DDX3X: variants seen among roughly 807,000 people sequenced by gnomAD.
DDX3X encodes the protein DEAD-box helicase 3 X-linked.
In DDX3X, 4 loss-of-function variants were observed where a neutral mutation model predicts 52.7. The observed-to-expected ratio is 0.08, with a 90% CI of 0.04 to 0.17. DDX3X has a LOEUF of 0.17. DDX3X is among the 10% of genes least tolerant of loss of function. DDX3X has a pLI of 1.00. For synonymous variants in DDX3X, 192 were observed against 178.1 expected (o/e 1.08, Z -0.62); for missense variants, 222 against 548.6 (o/e 0.40, Z 5.95).
chrX:41,341,738 A>C, intron 4 of DDX3X, 122 bp downstream of exon 4: 2 of 680,822 alleles, frequency 2.9e-6, no homozygotes, highest in Non-Finnish European at 2.2e-6. Flanking sequence ...TCTTAGCCGT[A>C]AGAGGCTTTT....
At chrX:41,337,378 T>G in intron 1 of DDX3X, 30 bp from the exon 2 acceptor site, 1 of 1,177,334 alleles carries the variant, frequency 8.5e-7, no homozygotes, top group Non-Finnish European at 1.2e-6. Context: ...TTTGAGCACA[T>G]GGGGTGCTAA....
At chrX:41,340,796 A>G in intron 3 of DDX3X, 1 of 297,033 alleles carries the variant, frequency 3.4e-6, no homozygotes, top group Non-Finnish European at 5.9e-6. Flanking sequence ...TACCACCTCC[A>G]AGAAACATGG....
chrX:41,361,205 C>T (rs1008055609), intron 5 of DDX3X, among the ~76,000 whole-genome samples: 2 of 108,966 alleles, frequency 1.8e-5, no homozygotes, highest in African/African-American at 3.3e-5. Context: ...GTCATCCCAA[C>T]GAAGTGGCTC....
intron 5 of DDX3X, among the ~76,000 whole-genome samples, chrX:41,358,597 G>A (rs1004033483): frequency 9.0e-6 from 1 of 111,130 alleles, no homozygotes; most frequent in African/African-American, 3.3e-5. Context: ...AAATTTCCAT[G>A]TCAATTTTCA....
downstream of DDX3X, among the ~76,000 whole-genome samples, chrX:41,353,439 G>T (rs2063996841): frequency 9.3e-6 from 1 of 107,981 alleles, no homozygotes; most frequent in Non-Finnish European, 1.9e-5. Context: ...CTGCACTCCA[G>T]CCTGGGTGAT....
intron 6 of DDX3X, 136 bp from the exon 7 acceptor site, chrX:41,343,080 T>A: frequency 1.2e-6 from 1 of 837,239 alleles, no homozygotes; most frequent in Non-Finnish European, 1.7e-6. Context: ...TTGGTTTTTC[T>A]CAAAGTATAA....
chrX:41,343,374 A>G (rs1200324098), intron 7 of DDX3X, 23 bp downstream of exon 7: 3 of 1,167,900 alleles, frequency 2.6e-6, no homozygotes, highest in Non-Finnish European at 3.4e-6. Flanking sequence ...CATAAGAGTA[A>G]AACATCATAT....
intron 5 of DDX3X, among the ~76,000 whole-genome samples, chrX:41,361,397 A>G (rs1328421003): frequency 9.1e-6 from 1 of 110,382 alleles, no homozygotes; most frequent in Non-Finnish European, 1.9e-5. Flanking sequence ...CTGTAATCCC[A>G]GCTACTCAGG....
intron 5 of DDX3X, among the ~76,000 whole-genome samples, chrX:41,362,727 G>T (rs751932438): frequency 8.9e-6 from 1 of 112,062 alleles, no homozygotes; most frequent in South Asian, 3.7e-4. Flanking sequence ...CAGGGCTCTG[G>T]GCTAGTCTCT....
At chrX:41,360,881 G>T (rs937865816) in intron 5 of DDX3X, among the ~76,000 whole-genome samples, 3 of 108,751 alleles carry the variant, frequency 2.8e-5, no homozygotes, top group Admixed American at 1.0e-4. Flanking sequence ...TCTTTGTTTG[G>T]GGGGGGCACA....
chrX:41,351,190 T>C (rs1452671512), downstream of DDX3X: 3 of 111,784 alleles, frequency 2.7e-5, no homozygotes, highest in Non-Finnish European at 3.8e-5. Flanking sequence ...CAGTTTCCAC[T>C]TTATGTGAAT....
At chrX:41,352,511 C>CTGAT (rs1345834544), downstream of DDX3X, among the ~76,000 whole-genome samples, 2 of 111,511 alleles carry the variant, frequency 1.8e-5, no homozygotes, top group East Asian at 5.7e-4. Context: ...CCTCAATCAC[C>CTGAT]TGATGGGATC....
intron 5 of DDX3X, chrX:41,358,065 C>CTT (rs59380932): frequency 0.023 from 1,040 of 45,966 alleles, 188 homozygotes; most frequent in Non-Finnish European, 0.029. Flanking sequence ...GATAGACACT[C>CTT]TTTTTTTTTT....
At chrX:41,334,103 T>C (rs993054878), upstream of DDX3X, 3 of 519,933 alleles carry the variant, frequency 5.8e-6, no homozygotes, top group Non-Finnish European at 9.8e-6. Context: ...ACGTTGTACG[T>C]GCTGACGTAG....
intron 5 of DDX3X, among the ~76,000 whole-genome samples, chrX:41,355,762 G>T (rs1228416889): frequency 1.8e-5 from 2 of 108,751 alleles, no homozygotes; most frequent in African/African-American, 6.7e-5. Flanking sequence ...AGGATTACAG[G>T]CATGAGCCAC....
At position 41,343,559 on chromosome X, in the gene DDX3X, A is replaced by G. The variant is rs6610547; in HGVS notation, c.680-178A>G. 0.028 allele frequency: 15,086 copies of G among 539,061 alleles called. 1,414 individuals are homozygous for G. The East Asian group carries it at 0.33, about 12-fold the overall frequency. 44.4% of individuals were successfully genotyped at this position (539,061 alleles called of 1,213,427 possible). ...TATAAAAATAACAGGCTTTATTTAC[A>G]AAATAGTCTCAGTTTGCTGACTCCT... On this transcript the variant is annotated intron_variant, in intron 7 of 16. Coordinates refer to ENST00000644876, the MANE Select transcript of DDX3X (RefSeq NM_001356.5).
At position 41,346,280 on chromosome X, in the gene DDX3X, C is replaced by G; in HGVS notation, c.1367C>G (p.Ser456Cys). Residue 456 changes from serine to cysteine, a missense_variant, in exon 13 of 17, where the codon TCT becomes TGT. Coordinates refer to ENST00000644876, the MANE Select transcript of DDX3X (RefSeq NM_001356.5). ...VFVETKKGAD[S>C]LEDFLYHEGY... Reference sequence around the variant, plus strand: ...GTGGAGACCAAAAAGGGTGCAGATTCTCTGGAGGATTTCTTATACCATGAA... The same window carrying G: ...GTGGAGACCAAAAAGGGTGCAGATTGTCTGGAGGATTTCTTATACCATGAA... 1.7e-6 allele frequency: 2 copies of G among 1,210,700 alleles called. No individual in the cohort carries two copies. Among genetic ancestry groups the G allele is most frequent in the Non-Finnish European group, 2.2e-6 (2 of 894,989 alleles).
At chrX:41,358,829 G>A (rs1193086051) in intron 5 of DDX3X, among the ~76,000 whole-genome samples, 1 of 111,486 alleles carries the variant, frequency 9.0e-6, no homozygotes, top group African/African-American at 3.3e-5. Context: ...CGCCATCTTG[G>A]CTCACTGCAA....
chrX:41,347,187 G>A lies in DDX3X; in HGVS notation c.1770-125G>A, dbSNP rs970314426. The A allele has an allele frequency of 4.2e-6, 4 of 950,411 alleles. No individual in the cohort carries two copies. The African/African-American group carries it at 7.8e-5, about 19-fold the overall frequency. The allele number at this position is 950,411 out of a possible 1,213,427, so 78.3% of individuals were successfully genotyped here. A position where few individuals can be genotyped will look rare whatever the true frequency, so the allele number is the denominator to read the frequency against. On this transcript the variant is annotated intron_variant, in intron 15 of 16. Transcript: ENST00000644876. ...TATTAGAATGGGTGACACTCTGTTG[G>A]GGAAAATATGGCTGGATGGGGAATT...
Sources: gnomAD v4.1 joint callset for allele counts (sites outside exome capture counted in the v4.1 genomes callset) on GRCh38, gnomAD v4.1.1 for gene constraint, MANE v1.5 for transcripts, NCBI Gene and HGNC (gene_info 2026-07-23, HGNC 2026-07-21) for gene names.